Variants in EFR3B observed in about 807,000 individuals in gnomAD.
The protein encoded by EFR3B is EFR3 homolog B.
A neutral mutation model predicts 104.7 loss-of-function variants in EFR3B; 64 were observed. The ratio of observed to expected loss-of-function variants is 0.61; its 90% CI spans 0.50 to 0.75. The LOEUF is 0.75. Ranked by LOEUF, EFR3B falls within the 30% of genes least tolerant of loss-of-function variation. EFR3B has a pLI of 0.00. For synonymous variants in EFR3B, 385 were observed against 417.9 expected, an observed-to-expected ratio of 0.92 and a Z score of 0.96; for missense variants, 750 against 1,078.5, an observed-to-expected ratio of 0.70 and a Z score of 4.27.
At chr2:25,133,878 CT>C (rs1180467076) in intron 12 of EFR3B, among the ~76,000 whole-genome samples, 1 of 152,206 alleles carries the variant, frequency 6.6e-6, no homozygotes, top group East Asian at 1.9e-4. Context: ...TTTAACTCTT[CT>C]TTACATCTTT....
chr2:25,095,934 A>T (rs1357932670), intron 3 of EFR3B, among the ~76,000 whole-genome samples: 2 of 152,178 alleles, frequency 1.3e-5, no homozygotes, highest in Admixed American at 1.3e-4. Flanking sequence ...GAACACTCAG[A>T]TATTCCTGGT....
intron 1 of EFR3B, among the ~76,000 whole-genome samples, chr2:25,053,790 C>T (rs1667947155): frequency 6.6e-6 from 1 of 152,144 alleles, no homozygotes; most frequent in African/African-American, 2.4e-5. Flanking sequence ...GCCTGTAGTC[C>T]CAGCTACTCA....
intron 3 of EFR3B, 56 bp from the exon 4 acceptor site, chr2:25,103,581 T>G: frequency 6.6e-7 from 1 of 1,521,846 alleles, no homozygotes; most frequent in South Asian, 1.2e-5. Flanking sequence ...CATGCCCTGG[T>G]TGGGCCATGG....
At chr2:25,066,420 A>G (rs1239187076) in intron 1 of EFR3B, among the ~76,000 whole-genome samples, 2 of 151,986 alleles carry the variant, frequency 1.3e-5, no homozygotes, top group Non-Finnish European at 2.9e-5. Context: ...CTCCAGCTTT[A>G]CCAGTGCTAC....
intron 1 of EFR3B, among the ~76,000 whole-genome samples, chr2:25,087,613 C>T (rs568563029): frequency 9.2e-4 from 140 of 152,012 alleles, no homozygotes; most frequent in African/African-American, 3.1e-3. Flanking sequence ...GCTGGGACTA[C>T]AGGCACCCGC....
At chr2:25,058,715 C>T (rs1012739624) in intron 1 of EFR3B, among the ~76,000 whole-genome samples, 2 of 150,870 alleles carry the variant, frequency 1.3e-5, no homozygotes, top group Admixed American at 6.6e-5. Context: ...GCCGAGATCA[C>T]GCCACTGCAC....
At chr2:25,100,683 G>A (rs1248069920) in intron 3 of EFR3B, among the ~76,000 whole-genome samples, 1 of 152,156 alleles carries the variant, frequency 6.6e-6, no homozygotes, top group African/African-American at 2.4e-5. Flanking sequence ...TAGTAGAGAC[G>A]GTGTTTCACT....
At chr2:25,087,363 A>G (rs201751766) in intron 1 of EFR3B, among the ~76,000 whole-genome samples, 3 of 37,652 alleles carry the variant, frequency 8.0e-5, no homozygotes, top group African/African-American at 1.8e-4. Context: ...TCATATATGT[A>G]TATATATATA....
intron 1 of EFR3B, chr2:25,081,154 C>T: frequency 1.4e-6 from 1 of 710,042 alleles, no homozygotes. Flanking sequence ...CATATTCCAC[C>T]CTTTTCTCCC....
At position 25,137,646 on chromosome 2, in the gene EFR3B, C is replaced by T. The variant is rs1341646915; in HGVS notation, c.1722+144C>T. On this transcript the variant is annotated intron_variant, in intron 15 of 22. Coordinates refer to ENST00000403714, the MANE Select transcript of EFR3B (RefSeq NM_014971.2). The surrounding 1 kb of genome is among the most constrained non-coding windows in gnomAD (Gnocchi z 4.7). ...ATTGTACTCGTGGTTGGCCACGCCT[C>T]CCTGAAGACCCCAAACCATGGTCCT... is the stretch of plus-strand genomic sequence containing the variant. The T allele has an allele frequency of 1.7e-6, 2 of 1,149,088 alleles. No homozygotes were observed. Among genetic ancestry groups the T allele is most frequent in the African/African-American group, 1.6e-5 (1 of 64,360 alleles). 71.2% of individuals were successfully genotyped at this position (1,149,088 alleles called of 1,614,324 possible).
intron 15 of EFR3B, among the ~76,000 whole-genome samples, chr2:25,138,532 T>C (rs1670580797): frequency 6.6e-6 from 1 of 152,222 alleles, no homozygotes; most frequent in African/African-American, 2.4e-5. Flanking sequence ...TCAGACCACC[T>C]GTCTGTTGGT....
intron 1 of EFR3B, 98 bp from the exon 2 acceptor site, chr2:25,091,227 T>G: frequency 7.8e-6 from 9 of 1,153,972 alleles, no homozygotes; most frequent in Non-Finnish European, 1.1e-5. Flanking sequence ...CCAGCCTGTC[T>G]GTTTCCTGCC....
chr2:25,056,539 C>T (rs549865232), intron 1 of EFR3B, among the ~76,000 whole-genome samples: 94 of 150,782 alleles, frequency 6.2e-4, no homozygotes, highest in African/African-American at 2.2e-3. Flanking sequence ...CTGGAATGTT[C>T]CTGATAAACC....
At chr2:25,052,474 C>T (rs1198518155) in intron 1 of EFR3B, among the ~76,000 whole-genome samples, 1 of 151,326 alleles carries the variant, frequency 6.6e-6, no homozygotes, top group African/African-American at 2.4e-5. Flanking sequence ...TAATTGGGCA[C>T]CACTATGTGC....
At position 25,061,127 on chromosome 2, in the gene EFR3B, A is replaced by AT. The variant is rs759449745; in HGVS notation, c.7+18824dup. On this transcript the variant is annotated intron_variant, in intron 1 of 22. Coordinates refer to ENST00000403714, the MANE Select transcript of EFR3B (RefSeq NM_014971.2). Reference sequence around the variant, plus strand: ...GGTTGGCACCTTGAATTGGAGGTTGATTTTTTTTTTTTTTTTGAAACAGTC... The same window carrying AT: ...GGTTGGCACCTTGAATTGGAGGTTGATTTTTTTTTTTTTTTTTGAAACAGTC... Among the ~76,000 whole-genome samples the AT allele has an allele frequency of 2.8e-3, 396 of 141,756 alleles. 4 individuals carry two copies. Among genetic ancestry groups the AT allele is most frequent in the African/African-American group, 7.4e-3 (285 of 38,720 alleles). The allele number at this position is 141,756 out of a possible 152,430, so 93.0% of individuals were successfully genotyped here. A position where few individuals can be genotyped will look rare whatever the true frequency, so the allele number is the denominator to read the frequency against.
At chr2:25,046,913 C>G (rs1262159271) in intron 1 of EFR3B, among the ~76,000 whole-genome samples, 1 of 152,200 alleles carries the variant, frequency 6.6e-6, no homozygotes, top group Middle Eastern at 3.2e-3. Flanking sequence ...CCTCCTCCCC[C>G]AGATCCTAAG....
chr2:25,054,975 C>T (rs1038160255), intron 1 of EFR3B, among the ~76,000 whole-genome samples: 1 of 152,222 alleles, frequency 6.6e-6, no homozygotes, highest in Non-Finnish European at 1.5e-5. Flanking sequence ...TATCTAAATC[C>T]TTATGCAATT....
chr2:25,064,640 T>C (rs1668283065), intron 1 of EFR3B, among the ~76,000 whole-genome samples: 1 of 152,182 alleles, frequency 6.6e-6, no homozygotes, highest in South Asian at 2.1e-4. Context: ...AGTCCACATG[T>C]ACTTAAAAAA....
intron 1 of EFR3B, among the ~76,000 whole-genome samples, chr2:25,090,245 C>T (rs1034656128): frequency 7.2e-5 from 11 of 152,218 alleles, no homozygotes; most frequent in Admixed American, 6.5e-5. Flanking sequence ...CCCAGGCCCC[C>T]CGGGCCCCTC....
Sources: allele counts gnomAD v4.1 joint callset (sites outside exome capture counted in the v4.1 genomes callset), GRCh38; gene constraint gnomAD v4.1.1; non-coding constraint Gnocchi (gnomAD v3.1); transcripts MANE v1.5; gene names NCBI Gene and HGNC (gene_info 2026-07-23, HGNC 2026-07-21).